CXADR: variants seen among roughly 807,000 people sequenced by gnomAD.
CXADR encodes the protein CXADR cell adhesion molecule.
Under a neutral mutation model 40.3 loss-of-function variants are expected in CXADR, and 20 were observed. That is an observed-to-expected ratio of 0.50 (90% confidence interval 0.35 to 0.72). The LOEUF (loss-of-function observed/expected upper bound fraction) is 0.72. Ranked by LOEUF, CXADR falls within the 30% of genes least tolerant of loss-of-function variation. The probability of loss-of-function intolerance (pLI) is 0.01; values close to 1 mark genes in which losing one functional copy is unlikely to be tolerated. For synonymous variants in CXADR, 150 were observed against 161.3 expected (o/e 0.93, Z 0.53); for missense variants, 332 against 449.1 (o/e 0.74, Z 2.36).
intron 1 of CXADR, among the ~76,000 whole-genome samples, chr21:17,519,568 C>A (rs1273670116): frequency 6.6e-6 from 1 of 152,136 alleles, no homozygotes; most frequent in Admixed American, 6.6e-5. Context: ...CTTTGGAACT[C>A]CTTGACACCT....
chr21:17,544,389 G>A (rs891266888), intron 1 of CXADR, among the ~76,000 whole-genome samples: 4 of 152,196 alleles, frequency 2.6e-5, no homozygotes, highest in African/African-American at 9.7e-5. Flanking sequence ...TTTGGATGAT[G>A]TCTGATCAAT....
the CXADR span, among the ~76,000 whole-genome samples, chr21:17,635,541 G>A: frequency 1.1e-4 from 16 of 152,076 alleles, no homozygotes; most frequent in African/African-American, 3.9e-4. Flanking sequence ...GGAATCACTT[G>A]GGCACTGCTC....
At chr21:17,530,530 A>G in intron 1 of CXADR, 2 of 428,324 alleles carry the variant, frequency 4.7e-6, no homozygotes, top group South Asian at 3.4e-5. Context: ...AACTACTGTG[A>G]AGGCCGGGCG....
At chr21:17,515,374 G>A (rs2060446900) in intron 1 of CXADR, among the ~76,000 whole-genome samples, 1 of 152,134 alleles carries the variant, frequency 6.6e-6, no homozygotes, top group African/African-American at 2.4e-5. Flanking sequence ...CCGGAGCCTG[G>A]GAGGTCTAAG....
downstream of CXADR, among the ~76,000 whole-genome samples, chr21:17,573,157 C>A (rs434889): frequency 0.11 from 17,294 of 152,036 alleles, 1,022 homozygotes; most frequent in Middle Eastern, 0.15. Context: ...TCTCTCTTCC[C>A]TCTATGCATG....
Position 17,567,781 on chromosome 21 carries a change from T to TGA in CXADR, c.*2090_*2091dup. On this transcript the variant is annotated 3_prime_UTR_variant, in exon 7 of 7. Coordinates refer to ENST00000284878, the MANE Select transcript of CXADR (RefSeq NM_001338.5). ...ATAAAGTTTTGGTTCTTCCTATTCC[T>TGA]GACTTTCATATAATGAAAATTATCC... 1 of 916,872 alleles carries TGA rather than the reference T, an allele frequency of 1.1e-6. No homozygotes were observed. The highest frequency in any genetic ancestry group is 5.0e-5 in the South Asian group (1 of 19,868). 56.8% of individuals were successfully genotyped at this position (916,872 alleles called of 1,614,324 possible). A position where few individuals can be genotyped will look rare whatever the true frequency, so the allele number is the denominator to read the frequency against.
At chr21:17,530,891 A>G (rs2060665732) in intron 1 of CXADR, among the ~76,000 whole-genome samples, 1 of 152,222 alleles carries the variant, frequency 6.6e-6, no homozygotes, top group African/African-American at 2.4e-5. Flanking sequence ...ATTTCTCCCT[A>G]TCAATGGAAT....
intron 4 of CXADR, among the ~76,000 whole-genome samples, chr21:17,560,469 G>A (rs558277856): frequency 6.6e-6 from 1 of 152,228 alleles, no homozygotes; most frequent in Non-Finnish European, 1.5e-5. Flanking sequence ...TGCTCCAGCT[G>A]AGGCTGTGTG....
chr21:17,575,440 C>T (rs536560404), intron 7 of CXADR, among the ~76,000 whole-genome samples: 127 of 151,970 alleles, frequency 8.4e-4, no homozygotes, highest in African/African-American at 2.7e-3. Context: ...CCACGGCCTC[C>T]TAAGTCCTGG....
chr21:17,555,800 T>C (rs1172989120), intron 3 of CXADR, among the ~76,000 whole-genome samples: 6 of 152,230 alleles, frequency 3.9e-5, no homozygotes, highest in African/African-American at 1.4e-4. Flanking sequence ...AGATATGTTA[T>C]TTCTTATTTA....
chr21:17,536,949 G>A (rs9984739), intron 1 of CXADR, among the ~76,000 whole-genome samples: 2,411 of 152,072 alleles, frequency 0.016, 69 homozygotes, highest in African/African-American at 0.054. Flanking sequence ...ATAGAGACGC[G>A]GTTTCACCAT....
In CXADR at chr21:17,592,678, A is replaced by G. The variant is rs77524685; in HGVS notation, c.1018-474A>G. Among the ~76,000 whole-genome samples the G allele has an allele frequency of 4.4e-3, 675 of 151,918 alleles. 22 individuals carry two copies. In the East Asian group the frequency reaches 0.079, roughly 18 times the overall value. ...ATAACTTTGGTTAAAAAAAATTGAT[A>G]AAACGCATCTCCCTTGTGACACTAA... On this transcript the variant is annotated intron_variant, in intron 7 of 7. Coordinates refer to the CXADR transcript ENST00000400169.
intron 6 of CXADR, among the ~76,000 whole-genome samples, chr21:17,564,058 T>C (rs1601028811): frequency 6.7e-6 from 1 of 150,002 alleles, no homozygotes; most frequent in African/African-American, 2.4e-5. Flanking sequence ...ATCTATGAAG[T>C]GTAATAAAAG....
chr21:17,530,177 G>T (rs917421530), intron 1 of CXADR, among the ~76,000 whole-genome samples: 6 of 145,618 alleles, frequency 4.1e-5, no homozygotes, highest in Non-Finnish European at 1.5e-5. Context: ...GGCCAGGCTG[G>T]TCTCCAACTC....
intron 1 of CXADR, among the ~76,000 whole-genome samples, chr21:17,515,819 CAAAAA>C (rs941335316): frequency 6.7e-6 from 1 of 150,256 alleles, no homozygotes; most frequent in Non-Finnish European, 1.5e-5. Flanking sequence ...AACAAATAAA[CAAAAA>C]AAAAGGCATT....
intron 7 of CXADR, among the ~76,000 whole-genome samples, chr21:17,589,539 A>G (rs1377704792): frequency 6.6e-5 from 10 of 151,794 alleles, no homozygotes; most frequent in African/African-American, 2.4e-4. Context: ...ACCATTAACA[A>G]TTTTTTGCCC....
At chr21:17,529,848 A>C (rs969147669) in intron 1 of CXADR, among the ~76,000 whole-genome samples, 11 of 152,248 alleles carry the variant, frequency 7.2e-5, no homozygotes, top group African/African-American at 2.6e-4. Context: ...CCACACCTGC[A>C]TACCTAGCAA....
chr21:17,604,551 C>T, the CXADR span, among the ~76,000 whole-genome samples: 1 of 152,144 alleles, frequency 6.6e-6, no homozygotes, highest in African/African-American at 2.4e-5. Context: ...CAGACAAGTG[C>T]ACCACCAATT....
At chr21:17,542,265 C>T (rs1479592507) in intron 1 of CXADR, among the ~76,000 whole-genome samples, 3 of 152,138 alleles carry the variant, frequency 2.0e-5, no homozygotes, top group Non-Finnish European at 4.4e-5. Flanking sequence ...CTGAAGACCA[C>T]CTAGGTTAAC....
Sources: gnomAD v4.1 joint callset for allele counts (sites outside exome capture counted in the v4.1 genomes callset) on GRCh38, gnomAD v4.1.1 for gene constraint, MANE v1.5 for transcripts, NCBI Gene and HGNC (gene_info 2026-07-23, HGNC 2026-07-21) for gene names.